Variants in GNPDA2 observed in about 807,000 individuals in gnomAD.
GNPDA2 encodes glucosamine-6-phosphate deaminase 2.
In GNPDA2, 24 loss-of-function variants were observed where a neutral mutation model predicts 27.0. The observed-to-expected ratio is 0.89, with a 90% CI of 0.64 to 1.25. GNPDA2 has a LOEUF of 1.25. Among genes scored for constraint, GNPDA2 ranks in the 50% most tolerant of loss-of-function variants. The probability of loss-of-function intolerance (pLI) is 0.00; values close to 1 mark genes in which losing one functional copy is unlikely to be tolerated. For synonymous variants in GNPDA2, 94 were observed against 108.4 expected (o/e 0.87, Z 0.83); for missense variants, 286 against 335.1 (o/e 0.85, Z 1.14).
At chr4:44,719,848 T>C (rs1413783351) in intron 2 of GNPDA2, among the ~76,000 whole-genome samples, 2 of 152,096 alleles carry the variant, frequency 1.3e-5, no homozygotes. Context: ...GTAATAGTCA[T>C]TACTAACACA....
In GNPDA2 at chr4:44,707,703, GTCAC is replaced by G. The variant is rs756678024; in HGVS notation, c.769+45_769+48del. 1.1e-5 allele frequency: 17 copies of G among 1,515,508 alleles called. No homozygotes were observed. The East Asian group carries it at 2.7e-4, about 24-fold the overall frequency. The allele number at this position is 1,515,508 out of a possible 1,614,324, so 93.9% of individuals were successfully genotyped here. ...CCCACAGTCACAGTAAGTTTTAATTGTCACTCACAACAGATTATCTCAGTCGGCT... is the reference window on the plus strand; with the variant it reads ...CCCACAGTCACAGTAAGTTTTAATTGTCACAACAGATTATCTCAGTCGGCT... On this transcript the variant is annotated intron_variant, in intron 6 of 6. Transcript: ENST00000295448.
At chr4:44,714,770 A>G (rs1717176883) in intron 4 of GNPDA2, 1 of 483,160 alleles carries the variant, frequency 2.1e-6, no homozygotes, top group African/African-American at 2.1e-5. Flanking sequence ...TACATATCCA[A>G]TAATAGGGCA....
chr4:44,725,521 G>C (rs896937679), intron 1 of GNPDA2, among the ~76,000 whole-genome samples: 2 of 152,154 alleles, frequency 1.3e-5, no homozygotes, highest in East Asian at 1.9e-4. Flanking sequence ...AATTTGTTAA[G>C]AACACCACAC....
In GNPDA2 at chr4:44,711,221, ATCACCTTG is replaced by A. The variant is rs1194044357; in HGVS notation, c.410-92_410-85del. On this transcript the variant is annotated intron_variant, in intron 4 of 6. Transcript: ENST00000295448. ...ATGTGCGTTAAAGAACAAAAAAAAA[ATCACCTTG>A]TTTTATTTTATACTTGAATTCCTAT... 243 of 725,826 alleles carry A rather than the reference ATCACCTTG, an allele frequency of 3.3e-4. 2 individuals carry two copies. The East Asian group carries it at 7.2e-3, about 21-fold the overall frequency. 45.0% of individuals were successfully genotyped at this position (725,826 alleles called of 1,614,324 possible).
rs1336789737 is a variant in GNPDA2, at chr4:44,721,068, AC to A, written c.124+1015del. 9.6e-4 allele frequency among the ~76,000 whole-genome samples: 139 copies of A among 144,956 alleles called. No individual in the cohort carries two copies. The Middle Eastern group carries it at 0.014, about 15-fold the overall frequency. ...TGGTGTGTCCAGTGAAAAAAAAAAAACCCTTTTGCCATTCTCACCAAGATCT... is the reference window on the plus strand; with the variant it reads ...TGGTGTGTCCAGTGAAAAAAAAAAAACCTTTTGCCATTCTCACCAAGATCT... On this transcript the variant is annotated intron_variant, in intron 2 of 6. Coordinates refer to ENST00000295448, the MANE Select transcript of GNPDA2 (RefSeq NM_138335.3).
intron 5 of GNPDA2, among the ~76,000 whole-genome samples, chr4:44,709,756 ATG>A (rs1716853053): frequency 6.6e-6 from 1 of 150,724 alleles, no homozygotes; most frequent in Non-Finnish European, 1.5e-5. Context: ...TTTTTAATAA[ATG>A]AGGAAATTAG....
chr4:44,705,385 T>A, intron 6 of GNPDA2: 1 of 957,144 alleles, frequency 1.0e-6, no homozygotes, highest in Non-Finnish European at 1.2e-6. Flanking sequence ...TTGAAGGAGG[T>A]ATCCTAACAG....
At chr4:44,709,834 C>T (rs907294837) in intron 5 of GNPDA2, among the ~76,000 whole-genome samples, 1 of 151,368 alleles carries the variant, frequency 6.6e-6, no homozygotes, top group Non-Finnish European at 1.5e-5. Context: ...AAAAATCAGC[C>T]AGGCATGGTG....
intron 2 of GNPDA2, 94 bp downstream of exon 2, chr4:44,721,990 G>A (rs1164550692): frequency 5.3e-6 from 5 of 945,332 alleles, no homozygotes; most frequent in African/African-American, 3.3e-5. Flanking sequence ...GCCAATAAAT[G>A]AATGGGGAAA....
chr4:44,714,432 C>A lies in GNPDA2; in HGVS notation c.409+2681G>T, dbSNP rs149546028. On this transcript the variant is annotated intron_variant, in intron 4 of 6. Transcript: ENST00000295448. ...TGTATTTCCTCCTTTTTCTTTCCCTCTTCCCTCAGAGGAAAGGGACCTCTG... is the reference window on the plus strand; with the variant it reads ...TGTATTTCCTCCTTTTTCTTTCCCTATTCCCTCAGAGGAAAGGGACCTCTG... 2.7e-3 allele frequency: 2,678 copies of A among 985,322 alleles called. 7 individuals carry two copies. The highest frequency in any genetic ancestry group is 3.1e-3 in the Middle Eastern group (6 of 1,914). 61.0% of individuals were successfully genotyped at this position (985,322 alleles called of 1,614,324 possible).
intron 1 of GNPDA2, among the ~76,000 whole-genome samples, chr4:44,726,022 G>A (rs938937324): frequency 8.5e-5 from 13 of 152,168 alleles, no homozygotes; most frequent in Admixed American, 5.9e-4. Context: ...GAAAGCGTAA[G>A]GGTGGCCTGG....
chr4:44,710,368 T>C (rs1311570473), intron 5 of GNPDA2, among the ~76,000 whole-genome samples: 1 of 152,170 alleles, frequency 6.6e-6, no homozygotes, highest in Non-Finnish European at 1.5e-5. Flanking sequence ...ACGAACTGAC[T>C]ACAATGTGTT....
At chr4:44,714,674 G>T in intron 4 of GNPDA2, 1 of 984,982 alleles carries the variant, frequency 1.0e-6, no homozygotes, top group Non-Finnish European at 1.2e-6. Flanking sequence ...AACAAAAGAA[G>T]GGTAGTTGTA....
At chr4:44,716,431 C>T (rs912176066) in intron 4 of GNPDA2, among the ~76,000 whole-genome samples, 1 of 151,648 alleles carries the variant, frequency 6.6e-6, no homozygotes, top group African/African-American at 2.4e-5. Context: ...TAGCAATTAG[C>T]TAGCTGTCTG....
intron 6 of GNPDA2, chr4:44,704,866 A>G: frequency 1.0e-6 from 1 of 984,148 alleles, no homozygotes; most frequent in Non-Finnish European, 1.2e-6. Context: ...AGAGAAAAAA[A>G]TTCATGATGA....
At chr4:44,716,836 A>C (rs763900261) in intron 4 of GNPDA2, among the ~76,000 whole-genome samples, 1 of 151,874 alleles carries the variant, frequency 6.6e-6, no homozygotes, top group African/African-American at 2.4e-5. Context: ...TAAACTGTCA[A>C]CTTTAAAGAG....
At chr4:44,705,235 A>G in intron 6 of GNPDA2, 7 of 979,980 alleles carry the variant, frequency 7.1e-6, no homozygotes, top group Non-Finnish European at 8.5e-6. Context: ...ATATACTAGT[A>G]ACTCAATGGA....
intron 6 of GNPDA2, chr4:44,705,204 T>G: frequency 2.0e-6 from 2 of 981,886 alleles, no homozygotes; most frequent in Non-Finnish European, 2.4e-6. Context: ...ATTATAGGAA[T>G]TTACATCCTC....
At chr4:44,710,064 T>C (rs1260901100) in intron 5 of GNPDA2, among the ~76,000 whole-genome samples, 1 of 152,194 alleles carries the variant, frequency 6.6e-6, no homozygotes, top group Non-Finnish European at 1.5e-5. Flanking sequence ...ATCTATTACA[T>C]AACTCAGTTT....
Sources: allele counts gnomAD v4.1 joint callset (sites outside exome capture counted in the v4.1 genomes callset), GRCh38; gene constraint gnomAD v4.1.1; transcripts MANE v1.5; gene names NCBI Gene and HGNC (gene_info 2026-07-23, HGNC 2026-07-21).